The following HS6ST1 variants were observed in gnomAD, a reference collection of about 807,000 sequenced individuals.
HS6ST1 encodes the protein heparan sulfate 6-O-sulfotransferase 1.
In HS6ST1, 3 loss-of-function variants were observed where a neutral mutation model predicts 25.2. The ratio of observed to expected loss-of-function variants is 0.12; its 90% CI spans 0.05 to 0.31. The LOEUF is 0.31. Ranked by LOEUF, HS6ST1 falls within the 10% of genes least tolerant of loss-of-function variation. The pLI, the probability that HS6ST1 is intolerant of heterozygous loss-of-function variation, is 1.00. For synonymous variants in HS6ST1, 204 were observed against 275.1 expected (o/e 0.74, Z 2.56); for missense variants, 310 against 609.6 (o/e 0.51, Z 5.18).
At chr2:128,293,523 C>T (rs967859417) in intron 1 of HS6ST1, among the ~76,000 whole-genome samples, 1 of 152,232 alleles carries the variant, frequency 6.6e-6, no homozygotes, top group South Asian at 2.1e-4. Context: ...AGGGGACCTT[C>T]GAAGTTGGAA....
intron 1 of HS6ST1, among the ~76,000 whole-genome samples, chr2:128,287,609 G>A (rs563473991): frequency 6.6e-5 from 10 of 152,358 alleles, no homozygotes; most frequent in East Asian, 5.8e-4. Context: ...AGCTAGAGAC[G>A]CCGGGTCCAG....
In HS6ST1 at chr2:128,318,310, C is replaced by T. The variant is rs752016679; in HGVS notation, c.254G>A (p.Gly85Asp). Residue 85 changes from glycine to aspartate, a missense_variant, in exon 1 of 2, where the codon GGC becomes GAC. Physicochemically the swap from Gly to Asp is moderately conservative, Grantham distance 94 (BLOSUM62 -1). This residue lies in a region of HS6ST1 where 9 missense variants were observed against 27.4 expected (regional missense o/e 0.33). Coordinates refer to ENST00000259241, the MANE Select transcript of HS6ST1 (RefSeq NM_004807.3). This position sits in a 1 kb window ranked among gnomAD's most constrained non-coding sequence, Gnocchi z 5.7. ...LERSLRFDMK[G>D]DDVIVFLHIQ... is the part of the protein sequence containing the mutation. ...GTGCAGGAAGACGATCACGTCGTCG[C>T]CCTTCATGTCGAAGCGCAGCGAGCG... The T allele has an allele frequency of 6.2e-7, 1 of 1,611,580 alleles. No homozygotes were observed. Among genetic ancestry groups the T allele is most frequent in the Admixed American group, 1.7e-5 (1 of 59,994 alleles).
At chr2:128,293,424 C>T (rs1693990505) in intron 1 of HS6ST1, among the ~76,000 whole-genome samples, 1 of 152,262 alleles carries the variant, frequency 6.6e-6, no homozygotes, top group African/African-American at 2.4e-5. Flanking sequence ...ACTGTGGCGG[C>T]TGCCACCACC....
At chr2:128,295,840 A>G (rs1476832816) in intron 1 of HS6ST1, among the ~76,000 whole-genome samples, 1 of 152,264 alleles carries the variant, frequency 6.6e-6, no homozygotes, top group Non-Finnish European at 1.5e-5. Context: ...AACTTTCAAC[A>G]AACTAGAACC....
intron 1 of HS6ST1, among the ~76,000 whole-genome samples, chr2:128,293,003 G>A (rs1034693512): frequency 6.6e-6 from 1 of 152,146 alleles, no homozygotes; most frequent in Non-Finnish European, 1.5e-5. Flanking sequence ...CTGGGTCTGG[G>A]GTCCTTGCCG....
intron 1 of HS6ST1, among the ~76,000 whole-genome samples, chr2:128,296,184 C>T (rs1030846399): frequency 1.3e-5 from 2 of 152,166 alleles, no homozygotes; most frequent in Non-Finnish European, 2.9e-5. Flanking sequence ...CTGCTTGAGC[C>T]ACCCAGGCTA....
At chr2:128,300,223 G>C (rs1043024914) in intron 1 of HS6ST1, among the ~76,000 whole-genome samples, 4 of 152,210 alleles carry the variant, frequency 2.6e-5, no homozygotes, top group Admixed American at 2.0e-4. Flanking sequence ...AGCTGGCATG[G>C]ACGAGGCTGT....
At chr2:128,278,235 C>T (rs1465048952) in intron 1 of HS6ST1, among the ~76,000 whole-genome samples, 1 of 152,260 alleles carries the variant, frequency 6.6e-6, no homozygotes, top group Non-Finnish European at 1.5e-5. Context: ...GGGTCATGCC[C>T]ATGGCTGCAG....
intron 1 of HS6ST1, among the ~76,000 whole-genome samples, chr2:128,285,521 A>G (rs190182356): frequency 6.6e-6 from 1 of 152,206 alleles, no homozygotes; most frequent in Non-Finnish European, 1.5e-5. Flanking sequence ...GCTACGGCCC[A>G]GCTCTGCTAC....
chr2:128,293,964 G>T (rs1693996886), intron 1 of HS6ST1, among the ~76,000 whole-genome samples: 2 of 152,206 alleles, frequency 1.3e-5, no homozygotes. Flanking sequence ...CAGGTTGGGG[G>T]TCCATGCTGA....
At chr2:128,278,132 G>A (rs1693723277) in intron 1 of HS6ST1, among the ~76,000 whole-genome samples, 1 of 152,266 alleles carries the variant, frequency 6.6e-6, no homozygotes. Context: ...GTGCCTTCCA[G>A]GCAGGAGGGC....
intron 1 of HS6ST1, among the ~76,000 whole-genome samples, chr2:128,276,358 A>G (rs1693694104): frequency 6.6e-6 from 1 of 152,100 alleles, no homozygotes; most frequent in Non-Finnish European, 1.5e-5. Flanking sequence ...CTGGTCTCGA[A>G]CTCCTGACCT....
At position 128,293,942 on chromosome 2, in the gene HS6ST1, A is replaced by G. The variant is rs79247712; in HGVS notation, c.527+24095T>C. Among the ~76,000 whole-genome samples the G allele has an allele frequency of 2.3e-3, 355 of 152,258 alleles. 1 individual carries two copies. The highest frequency in any genetic ancestry group is 8.0e-3 in the African/African-American group (331 of 41,560). Reference sequence around the variant, plus strand: ...CAGTCCTGCTGAACATCCCAGGGCAATGGTTTCACCACAGGTTGGGGGTCC... The same window carrying G: ...CAGTCCTGCTGAACATCCCAGGGCAGTGGTTTCACCACAGGTTGGGGGTCC... On this transcript the variant is annotated intron_variant, in intron 1 of 1. Transcript: ENST00000259241.
At chr2:128,306,241 C>T (rs1694205514) in intron 1 of HS6ST1, among the ~76,000 whole-genome samples, 1 of 152,198 alleles carries the variant, frequency 6.6e-6, no homozygotes. Flanking sequence ...TGTCACTCCA[C>T]AGGACAGTGC....
At chr2:128,281,218 A>G (rs555073252) in intron 1 of HS6ST1, among the ~76,000 whole-genome samples, 1 of 152,270 alleles carries the variant, frequency 6.6e-6, no homozygotes, top group Admixed American at 6.5e-5. Flanking sequence ...TGGCCTCATG[A>G]CGCTGCTTCT....
At chr2:128,275,686 G>A (rs1693684150) in intron 1 of HS6ST1, among the ~76,000 whole-genome samples, 1 of 152,240 alleles carries the variant, frequency 6.6e-6, no homozygotes, top group Non-Finnish European at 1.5e-5. Flanking sequence ...GCGGTGGGAA[G>A]GCAAAGCCGG....
rs1694337599 is a variant in HS6ST1, at chr2:128,314,825, G to A, written c.527+3212C>T. 2.6e-5 allele frequency among the ~76,000 whole-genome samples: 4 copies of A among 152,360 alleles called. No homozygotes were observed. In the South Asian group the frequency reaches 8.3e-4, roughly 32 times the overall value. On this transcript the variant is annotated intron_variant, in intron 1 of 1. Coordinates refer to ENST00000259241, the MANE Select transcript of HS6ST1 (RefSeq NM_004807.3). Reference sequence around the variant, plus strand: ...CAGATGCCACACTTGGGCTCCAGATGCCCTCCGTGGCCCCAAATGAAGCCC... The same window carrying A: ...CAGATGCCACACTTGGGCTCCAGATACCCTCCGTGGCCCCAAATGAAGCCC...
intron 1 of HS6ST1, among the ~76,000 whole-genome samples, chr2:128,317,606 C>G (rs778105546): frequency 1.3e-5 from 2 of 152,246 alleles, no homozygotes; most frequent in Non-Finnish European, 2.9e-5. Flanking sequence ...CTCACTTCCA[C>G]TTTTGGGACC....
intron 1 of HS6ST1, among the ~76,000 whole-genome samples, chr2:128,308,399 T>C (rs558230115): frequency 2.1e-4 from 32 of 152,276 alleles, no homozygotes; most frequent in African/African-American, 6.0e-4. Context: ...GCCTGGGCCC[T>C]CAGCCAGGCG....
Sources: gnomAD v4.1 joint callset for allele counts (sites outside exome capture counted in the v4.1 genomes callset) on GRCh38, gnomAD v4.1.1 for gene constraint, gnomAD v4.1.1 regional missense constraint, Gnocchi (gnomAD v3.1) non-coding constraint, MANE v1.5 for transcripts, NCBI Gene and HGNC (gene_info 2026-07-23, HGNC 2026-07-21) for gene names.